SH2D4B: variants seen among roughly 807,000 people sequenced by gnomAD.
SH2D4B encodes the protein SH2 domain-containing protein 4B.
Under a neutral mutation model 61.5 loss-of-function variants are expected in SH2D4B, and 45 were observed. That is an observed-to-expected ratio of 0.73 (90% CI 0.58 to 0.94). The LOEUF (loss-of-function observed/expected upper bound fraction) is 0.94, where lower values mean the gene tolerates loss of function less well. SH2D4B is among the 40% of genes least tolerant of loss of function. The pLI is 0.00. For missense variants in SH2D4B, 572 were observed against 574.2 expected, an observed-to-expected ratio of 1.00 and a Z score of 0.04; for synonymous variants, 224 against 220.4, an observed-to-expected ratio of 1.02 and a Z score of -0.14.
intron 7 of SH2D4B, among the ~76,000 whole-genome samples, chr10:80,640,826 T>G (rs528187274): frequency 6.6e-6 from 1 of 152,320 alleles, no homozygotes; most frequent in Non-Finnish European, 1.5e-5. Flanking sequence ...CCAGCTTTGT[T>G]CTGTTGCTGC....
chr10:80,570,659 T>G (rs949432387), intron 2 of SH2D4B, among the ~76,000 whole-genome samples: 1 of 152,218 alleles, frequency 6.6e-6, no homozygotes, highest in Admixed American at 6.5e-5. Flanking sequence ...GTAAATTGTT[T>G]TATTCACACC....
intron 2 of SH2D4B, 148 bp from the exon 3 acceptor site, chr10:80,571,283 G>A (rs376922579): frequency 1.7e-5 from 14 of 824,596 alleles, no homozygotes; most frequent in African/African-American, 1.2e-4. Flanking sequence ...ACTCCCATGC[G>A]TGAGAATGCC....
chr10:80,580,956 G>T (rs1183762510), intron 3 of SH2D4B, among the ~76,000 whole-genome samples: 2 of 152,164 alleles, frequency 1.3e-5, no homozygotes, highest in Non-Finnish European at 2.9e-5. Flanking sequence ...GGTATTAGAT[G>T]GCTCAGAGAA....
chr10:80,635,893 C>T (rs1840156765), intron 7 of SH2D4B, among the ~76,000 whole-genome samples: 1 of 152,174 alleles, frequency 6.6e-6, no homozygotes, highest in Admixed American at 6.5e-5. Flanking sequence ...TAGTTTGCTG[C>T]ACCCATTAAC....
chr10:80,626,350 T>C (rs80131094), intron 6 of SH2D4B, among the ~76,000 whole-genome samples: 4,501 of 152,332 alleles, frequency 0.03, 243 homozygotes, highest in African/African-American at 0.1. Flanking sequence ...CTGAGAAGTC[T>C]GCTGTAAGGC....
rs1466442565 is a variant in SH2D4B, at chr10:80,634,367, C to A, written c.1071C>A (p.Ile357=). The A allele has an allele frequency of 6.5e-7, 1 of 1,550,364 alleles. No homozygotes were observed. Among genetic ancestry groups the A allele is most frequent in the African/African-American group, 1.4e-5 (1 of 73,040 alleles). ...GAFLVRVSEK[I]WGYTLSYRLQ... is the part of the protein sequence containing the mutation. Reference sequence around the variant, plus strand: ...TCCTGGTCCGGGTCAGTGAGAAAATCTGGGGTTACACCCTCTCCTACCGCC... The same window carrying A: ...TCCTGGTCCGGGTCAGTGAGAAAATATGGGGTTACACCCTCTCCTACCGCC... The change falls in exon 7 of 8, where the codon ATC becomes ATA. Residue 357 remains isoleucine, a synonymous_variant. Coordinates refer to ENST00000646907, the MANE Select transcript of SH2D4B (RefSeq NM_001388272.1).
intron 3 of SH2D4B, among the ~76,000 whole-genome samples, chr10:80,572,067 C>T (rs1454274053): frequency 1.2e-4 from 18 of 152,082 alleles, no homozygotes; most frequent in African/African-American, 3.4e-4. Context: ...CCACTGCGCC[C>T]GGCCGGGCCA....
At chr10:80,612,533 C>T (rs1310425482) in intron 6 of SH2D4B, among the ~76,000 whole-genome samples, 1 of 152,146 alleles carries the variant, frequency 6.6e-6, no homozygotes, top group Non-Finnish European at 1.5e-5. Flanking sequence ...ATGCCAGGCT[C>T]TTGAGCCCTA....
At chr10:80,593,622 A>G (rs1164840989) in intron 4 of SH2D4B, among the ~76,000 whole-genome samples, 1 of 152,208 alleles carries the variant, frequency 6.6e-6, no homozygotes, top group Non-Finnish European at 1.5e-5. Flanking sequence ...TTTTCTACAT[A>G]CAAGATAATT....
intron 4 of SH2D4B, among the ~76,000 whole-genome samples, chr10:80,601,789 C>A (rs1417419304): frequency 6.6e-6 from 1 of 152,200 alleles, no homozygotes; most frequent in Non-Finnish European, 1.5e-5. Context: ...CTTTATCCTG[C>A]AAATACTCAC....
chr10:80,597,793 C>T lies in SH2D4B; in HGVS notation c.644-5786C>T, dbSNP rs184531403. ...ATTTGGTTCAGGGAAAATGGGTGGG[C>T]GAAGAAGGTGGGACAGGGTGTCATA... On this transcript the variant is annotated intron_variant, in intron 4 of 7. Coordinates refer to ENST00000646907, the MANE Select transcript of SH2D4B (RefSeq NM_001388272.1). Among the ~76,000 whole-genome samples, 88 of 152,116 alleles carry T rather than the reference C, an allele frequency of 5.8e-4. 1 individual carries two copies. The highest frequency in any genetic ancestry group is 2.8e-3 in the Admixed American group (43 of 15,284).
chr10:80,608,298 G>A (rs909689365), intron 5 of SH2D4B, among the ~76,000 whole-genome samples: 14 of 152,136 alleles, frequency 9.2e-5, no homozygotes, highest in South Asian at 2.1e-4. Context: ...CACAGAGGGC[G>A]GGAGGAGGAG....
chr10:80,575,020 G>T (rs1842108456), intron 3 of SH2D4B, among the ~76,000 whole-genome samples: 1 of 151,942 alleles, frequency 6.6e-6, no homozygotes, highest in Non-Finnish European at 1.5e-5. Context: ...TTTTTAAATG[G>T]AGTATAATGT....
chr10:80,588,030 A>G (rs144421840), intron 3 of SH2D4B, among the ~76,000 whole-genome samples: 4 of 152,244 alleles, frequency 2.6e-5, no homozygotes, highest in African/African-American at 9.6e-5. Flanking sequence ...GATCACCACC[A>G]CTTTATTACT....
At chr10:80,582,075 A>G (rs1041052499) in intron 3 of SH2D4B, among the ~76,000 whole-genome samples, 4 of 152,200 alleles carry the variant, frequency 2.6e-5, no homozygotes, top group African/African-American at 9.7e-5. Context: ...CCCACTCTCT[A>G]AGAGTTGGGA....
At position 80,538,808 on chromosome 10, in the gene SH2D4B, T is replaced by C. The variant is rs920268205; in HGVS notation, c.184+293T>C. On this transcript the variant is annotated intron_variant, in intron 1 of 7. Transcript: ENST00000646907. This position sits in a 1 kb window ranked among gnomAD's most constrained non-coding sequence, Gnocchi z 4.8. ...AGGCCCGAGTTCTGGGAAGACACCA[T>C]TGAGACTTCAGATTGTGCTCCGACG... Among the ~76,000 whole-genome samples the C allele has an allele frequency of 6.6e-6, 1 of 152,214 alleles. No homozygotes were observed. The highest frequency in any genetic ancestry group is 1.5e-5 in the Non-Finnish European group (1 of 68,038).
Position 80,546,149 on chromosome 10 carries a change from A to G in SH2D4B, c.184+7634A>G, listed in dbSNP as rs567914973. Among the ~76,000 whole-genome samples, 21 of 148,812 alleles carry G rather than the reference A, an allele frequency of 1.4e-4. No individual in the cohort carries two copies. The East Asian group carries it at 2.2e-3, about 16-fold the overall frequency. ...AACCTCTGCCTCCCAGGTTCAAGTG[A>G]TCCTCGCACCTCAGCCTCCTGAGTA... On this transcript the variant is annotated intron_variant, in intron 1 of 7. Coordinates refer to ENST00000646907, the MANE Select transcript of SH2D4B (RefSeq NM_001388272.1).
chr10:80,585,626 G>GT (rs1396871604), intron 3 of SH2D4B, among the ~76,000 whole-genome samples: 1 of 152,166 alleles, frequency 6.6e-6, no homozygotes, highest in East Asian at 1.9e-4. Flanking sequence ...GGATGGCAGA[G>GT]TCCTCTTACC....
chr10:80,573,925 G>A (rs1842093473), intron 3 of SH2D4B, among the ~76,000 whole-genome samples: 1 of 152,060 alleles, frequency 6.6e-6, no homozygotes, highest in African/African-American at 2.4e-5. Context: ...GTGAAAAATG[G>A]ACATTTTTAC....
Sources: gnomAD v4.1 joint callset for allele counts (sites outside exome capture counted in the v4.1 genomes callset) on GRCh38, gnomAD v4.1.1 for gene constraint, Gnocchi (gnomAD v3.1) non-coding constraint, MANE v1.5 for transcripts, NCBI Gene and HGNC (gene_info 2026-07-23, HGNC 2026-07-21) for gene names.